The following MCM9 variants were observed in gnomAD, a reference collection of about 807,000 sequenced individuals.
MCM9 encodes the protein minichromosome maintenance 9 homologous recombination repair factor.
A neutral mutation model predicts 72.8 loss-of-function variants in MCM9; 55 were observed. That is an observed-to-expected ratio of 0.76 (90% CI 0.61 to 0.95). The LOEUF is 0.95. MCM9 is among the 40% of genes least tolerant of loss of function. The pLI is 0.00. For missense variants in MCM9, 1,279 were observed against 1,377.0 expected (o/e 0.93, Z 1.13); for synonymous variants, 480 against 503.4 (o/e 0.95, Z 0.62).
chr6:118,833,949 C>A (rs1016467850), intron 9 of MCM9, among the ~76,000 whole-genome samples: 1 of 152,130 alleles, frequency 6.6e-6, no homozygotes, highest in Non-Finnish European at 1.5e-5. Context: ...CATAGGTATA[C>A]ATGTGAAACG....
At chr6:118,843,658 G>GTA (rs74206505) in intron 9 of MCM9, among the ~76,000 whole-genome samples, 66 of 21,566 alleles carry the variant, frequency 3.1e-3, no homozygotes, top group Non-Finnish European at 4.1e-3. Context: ...ATATATATGT[G>GTA]TATATATATA....
intron 6 of MCM9, among the ~76,000 whole-genome samples, chr6:118,913,788 C>G (rs1385898875): frequency 6.6e-6 from 1 of 151,824 alleles, no homozygotes; most frequent in African/African-American, 2.4e-5. Flanking sequence ...TTTTTTGGAG[C>G]AACGTGGTCT....
At chr6:118,829,331 G>T (rs1379230510) in intron 9 of MCM9, 81 bp from the exon 10 acceptor site, 1 of 1,297,876 alleles carries the variant, frequency 7.7e-7, no homozygotes, top group African/African-American at 1.5e-5. Context: ...AAATGGGGCT[G>T]CTCTTGCACC....
chr6:118,912,052 C>G (rs1780593527), intron 7 of MCM9: 1 of 197,750 alleles, frequency 5.1e-6, no homozygotes, highest in South Asian at 1.4e-4. Flanking sequence ...GGTGCGGTGG[C>G]TCACACTTGT....
intron 9 of MCM9, among the ~76,000 whole-genome samples, chr6:118,839,028 G>C (rs1775169041): frequency 6.6e-6 from 1 of 152,114 alleles, no homozygotes; most frequent in Non-Finnish European, 1.5e-5. Context: ...TTTCCAACTT[G>C]GTTCCATTCT....
Position 118,924,110 on chromosome 6 carries a change from C to T in MCM9, c.322G>A (p.Glu108Lys). 6.2e-7 allele frequency: 1 copy of T among 1,613,164 alleles called. No individual in the cohort carries two copies. Among genetic ancestry groups the T allele is most frequent in the Non-Finnish European group, 8.5e-7 (1 of 1,179,358 alleles). The change falls in exon 4 of 14, where the codon GAG becomes AAG. Residue 108 changes from glutamate (E) to lysine (K), a missense_variant. By Grantham distance (56) the Glu-to-Lys change is moderately conservative. Transcript: ENST00000619706. ...ARISGLPVCP[E>K]LVREHIPKTK... Reference sequence around the variant, plus strand: ...TTAGGTATGTGTTCCCTCACCAGCTCAGGACAGACAGGCAAACCTGATGGA... The same window carrying T: ...TTAGGTATGTGTTCCCTCACCAGCTTAGGACAGACAGGCAAACCTGATGGA...
chr6:118,814,608 G>A lies in MCM9; in HGVS notation c.*216C>T, dbSNP rs1773291234. ...AATTAAGCACAACATAATTAATTCA[G>A]CTCAGCTGCTGGTATCACACTGACC... On this transcript the variant is annotated 3_prime_UTR_variant, in exon 14 of 14. Transcript: ENST00000619706. 2 of 399,726 alleles carry A rather than the reference G, an allele frequency of 5.0e-6. No individual in the cohort carries two copies. The highest frequency in any genetic ancestry group is 4.1e-5 in the African/African-American group (2 of 48,628). 24.8% of individuals were successfully genotyped at this position (399,726 alleles called of 1,614,324 possible).
intron 8 of MCM9, among the ~76,000 whole-genome samples, chr6:118,870,562 T>C (rs550150000): frequency 1.3e-5 from 2 of 151,354 alleles, no homozygotes; most frequent in African/African-American, 4.9e-5. Flanking sequence ...TAATCTAACA[T>C]CACAACTTAA....
intron 8 of MCM9, chr6:118,905,889 A>G: frequency 1.5e-6 from 2 of 1,295,128 alleles, no homozygotes; most frequent in Non-Finnish European, 2.1e-6. Flanking sequence ...AGCAGTTGCT[A>G]TTGCAATTTC....
chr6:118,916,474 T>TATG (rs1554261930), intron 6 of MCM9, among the ~76,000 whole-genome samples: 6 of 140,824 alleles, frequency 4.3e-5, no homozygotes, highest in African/African-American at 7.9e-5. Context: ...TTATTATTAT[T>TATG]ATGAGACAGA....
intron 5 of MCM9, chr6:118,920,847 G>T (rs950120378): frequency 6.6e-6 from 1 of 152,206 alleles, no homozygotes; most frequent in African/African-American, 2.4e-5. Context: ...CCCCGTCCCA[G>T]GTATTTCTTT....
At chr6:118,829,319 TA>T in intron 9 of MCM9, 69 bp from the exon 10 acceptor site, 1 of 1,398,936 alleles carries the variant, frequency 7.1e-7, no homozygotes, top group Non-Finnish European at 9.6e-7. Context: ...CAGCTGTTAA[TA>T]AAATGGGGCT....
chr6:118,894,758 G>A (rs1209199174), intron 8 of MCM9, among the ~76,000 whole-genome samples: 1 of 151,754 alleles, frequency 6.6e-6, no homozygotes, highest in Non-Finnish European at 1.5e-5. Flanking sequence ...CGGAGGAGCG[G>A]AGGTAGCCAT....
chr6:118,921,171 C>T (rs1460307785), intron 5 of MCM9: 1 of 152,128 alleles, frequency 6.6e-6, no homozygotes, highest in Non-Finnish European at 1.5e-5. Flanking sequence ...GGCCTAAATC[C>T]CTAACAATGT....
chr6:118,921,995 C>T lies in MCM9; in HGVS notation c.703+10G>A. On this transcript the variant is annotated intron_variant, in intron 5 of 13. Coordinates refer to ENST00000619706, the MANE Select transcript of MCM9 (RefSeq NM_017696.3). ...CTACACAAGCTAAAAAAAAATTCCC[C>T]TCTTCTTACCAGATTTGCAACTATC... is the stretch of plus-strand genomic sequence containing the variant. The T allele has an allele frequency of 6.2e-7, 1 of 1,604,918 alleles. No homozygotes were observed. The highest frequency in any genetic ancestry group is 8.5e-7 in the Non-Finnish European group (1 of 1,175,896).
chr6:118,847,437 AAAAG>A (rs1474434323), intron 9 of MCM9, among the ~76,000 whole-genome samples: 20 of 150,802 alleles, frequency 1.3e-4, no homozygotes, highest in African/African-American at 4.7e-4. Context: ...AAAAAAAAAA[AAAAG>A]AAATTAACAT....
Position 118,826,861 on chromosome 6 carries a change from T to A in MCM9, c.1736A>T (p.His579Leu). ...LESLIRLAEAHARLMFRDTVT... is the reference protein window; with the variant it reads ...LESLIRLAEALARLMFRDTVT... The stretch of plus-strand genomic sequence containing the variant: ...AGTATCACGAAACATCAGGCGAGCA[T>A]GAGCTAAGAAAACAAAACACATTTG... Residue 579 changes from histidine (H) to leucine (L), a missense_variant, in exon 12 of 14, where the codon CAT (histidine) becomes CTT (leucine). Coordinates refer to ENST00000619706, the MANE Select transcript of MCM9 (RefSeq NM_017696.3). 1.3e-6 allele frequency: 2 copies of A among 1,549,098 alleles called. No individual in the cohort carries two copies. Among genetic ancestry groups the A allele is most frequent in the Non-Finnish European group, 1.7e-6 (2 of 1,146,574 alleles).
chr6:118,894,562 G>A (rs1294449306), intron 8 of MCM9: 1 of 1,483,986 alleles, frequency 6.7e-7, no homozygotes, highest in Non-Finnish European at 9.1e-7. Flanking sequence ...TCAGTTGCGG[G>A]CTGCAGACGT....
At chr6:118,870,536 GAAGA>G (rs1405844971) in intron 8 of MCM9, among the ~76,000 whole-genome samples, 1 of 151,560 alleles carries the variant, frequency 6.6e-6, no homozygotes, top group Non-Finnish European at 1.5e-5. Flanking sequence ...CATCAAAAAA[GAAGA>G]AATATTGCAA....
Sources: allele counts gnomAD v4.1 joint callset (sites outside exome capture counted in the v4.1 genomes callset), GRCh38; gene constraint gnomAD v4.1.1; transcripts MANE v1.5; gene names NCBI Gene and HGNC (gene_info 2026-07-23, HGNC 2026-07-21).